Variants in KHDRBS2 observed in about 807,000 individuals in gnomAD.
KHDRBS2 encodes the protein KH RNA binding domain containing, signal transduction associated 2, also known as KH domain-containing, RNA-binding, signal transduction-associated protein 2.
KHDRBS2 carries 26 observed loss-of-function variants against 44.3 expected under a neutral mutation model. That is an observed-to-expected ratio of 0.59 (90% CI 0.43 to 0.81). KHDRBS2 has a LOEUF of 0.81. Among genes scored for constraint, KHDRBS2 ranks in the 40% least tolerant of loss-of-function variants. KHDRBS2 has a pLI of 0.00. For missense variants in KHDRBS2, 476 were observed against 433.1 expected (o/e 1.10, Z -0.88); for synonymous variants, 194 against 151.1 (o/e 1.28, Z -2.08).
chr6:62,143,338 TA>T (rs1453145077), intron 2 of KHDRBS2, among the ~76,000 whole-genome samples: 1 of 152,034 alleles, frequency 6.6e-6, no homozygotes, highest in African/African-American at 2.4e-5. Flanking sequence ...CAGAAATGAA[TA>T]TAGGCTTTGC....
intron 1 of KHDRBS2, among the ~76,000 whole-genome samples, chr6:62,215,898 G>A (rs1585243600): frequency 6.6e-6 from 1 of 151,826 alleles, no homozygotes; most frequent in East Asian, 1.9e-4. Context: ...TATTAATACA[G>A]TACAGGAAAA....
chr6:61,989,530 C>T (rs193040383), intron 3 of KHDRBS2, among the ~76,000 whole-genome samples: 1 of 152,246 alleles, frequency 6.6e-6, no homozygotes, highest in East Asian at 1.9e-4. Flanking sequence ...CTTGAAAACA[C>T]ATATGTAATG....
the KHDRBS2 span, among the ~76,000 whole-genome samples, chr6:61,563,440 T>A: frequency 1.3e-5 from 2 of 152,136 alleles, no homozygotes; most frequent in African/African-American, 4.8e-5. Flanking sequence ...GTTCTCTAAT[T>A]ATTGCCTTAC....
chr6:62,124,941 TGTAAG>T (rs1186516919), intron 2 of KHDRBS2, among the ~76,000 whole-genome samples: 1 of 152,200 alleles, frequency 6.6e-6, no homozygotes, highest in Non-Finnish European at 1.5e-5. Context: ...TTCTGACTGG[TGTAAG>T]GTTATATCAT....
At chr6:61,602,474 T>G in the KHDRBS2 span, among the ~76,000 whole-genome samples, 459 of 152,280 alleles carry the variant, frequency 3.0e-3, 4 homozygotes, top group African/African-American at 0.011. Flanking sequence ...AAAATTGGAC[T>G]GTTCAACTCA....
intron 6 of KHDRBS2, among the ~76,000 whole-genome samples, chr6:61,893,853 C>A (rs1404023941): frequency 6.6e-6 from 1 of 151,734 alleles, no homozygotes; most frequent in Non-Finnish European, 1.5e-5. Flanking sequence ...ACATATGTAA[C>A]AAACCTGCAC....
At chr6:62,048,658 T>G (rs1584357402) in intron 2 of KHDRBS2, among the ~76,000 whole-genome samples, 1 of 151,862 alleles carries the variant, frequency 6.6e-6, no homozygotes, top group South Asian at 2.1e-4. Context: ...ACAAAACACT[T>G]TGTCGAAATA....
intron 8 of KHDRBS2, among the ~76,000 whole-genome samples, chr6:61,682,231 C>G (rs901403302): frequency 2.0e-5 from 3 of 151,738 alleles, no homozygotes; most frequent in African/African-American, 4.8e-5. Context: ...AAACAATCTA[C>G]TATGTAGAAA....
chr6:62,081,684 A>C (rs1390997940), intron 2 of KHDRBS2, among the ~76,000 whole-genome samples: 1 of 152,150 alleles, frequency 6.6e-6, no homozygotes. Flanking sequence ...ACATATCTTT[A>C]TGTAAATATA....
intron 7 of KHDRBS2, among the ~76,000 whole-genome samples, chr6:61,718,128 C>T (rs1270143808): frequency 3.9e-5 from 6 of 152,004 alleles, no homozygotes; most frequent in Non-Finnish European, 8.8e-5. Context: ...CAACACTTAG[C>T]GTAGCAGCTA....
chr6:61,681,928 G>A (rs569005775), intron 8 of KHDRBS2, among the ~76,000 whole-genome samples: 78 of 151,966 alleles, frequency 5.1e-4, no homozygotes, highest in African/African-American at 1.8e-3. Context: ...CAGCAACTAG[G>A]TTATTTTGGT....
intron 7 of KHDRBS2, among the ~76,000 whole-genome samples, chr6:61,708,472 T>C (rs1308779581): frequency 6.6e-6 from 1 of 151,490 alleles, no homozygotes; most frequent in African/African-American, 2.4e-5. Context: ...GCAAAGATCA[T>C]GGGTTTTATT....
intron 1 of KHDRBS2, among the ~76,000 whole-genome samples, chr6:62,245,197 C>T (rs1470350203): frequency 6.6e-6 from 1 of 152,092 alleles, no homozygotes; most frequent in East Asian, 1.9e-4. Flanking sequence ...TTGCTGCATT[C>T]TCTTTGTTTC....
intron 6 of KHDRBS2, among the ~76,000 whole-genome samples, chr6:61,771,521 G>A (rs1442168556): frequency 1.3e-5 from 2 of 152,054 alleles, no homozygotes; most frequent in African/African-American, 2.4e-5. Context: ...GACAAAAAAA[G>A]GCAGGAGTTG....
At chr6:62,138,273 GTTTTTCAACA>G in intron 2 of KHDRBS2, among the ~76,000 whole-genome samples, 1 of 152,150 alleles carries the variant, frequency 6.6e-6, no homozygotes, top group East Asian at 1.9e-4. Context: ...AATTGCCACT[GTTTTTCAACA>G]GCTGTGCCCT....
intron 6 of KHDRBS2, among the ~76,000 whole-genome samples, chr6:61,739,031 G>A (rs777308925): frequency 3.3e-5 from 5 of 151,828 alleles, no homozygotes; most frequent in Non-Finnish European, 5.9e-5. Flanking sequence ...ATGCACGTGT[G>A]TCTATGCACA....
At chr6:61,566,125 A>G in the KHDRBS2 span, among the ~76,000 whole-genome samples, 1 of 152,116 alleles carries the variant, frequency 6.6e-6, no homozygotes, top group Non-Finnish European at 1.5e-5. Context: ...TCATTGTAAA[A>G]TAAGCCAGAC....
chr6:62,202,962 G>A (rs969958194), intron 1 of KHDRBS2, among the ~76,000 whole-genome samples: 1 of 152,114 alleles, frequency 6.6e-6, no homozygotes, highest in Non-Finnish European at 1.5e-5. Flanking sequence ...ATTATTTCCT[G>A]TCTGTCTTTC....
At chr6:61,762,676 C>G (rs1938389) in intron 6 of KHDRBS2, among the ~76,000 whole-genome samples, 12 of 152,114 alleles carry the variant, frequency 7.9e-5, no homozygotes, top group Admixed American at 7.2e-4. Flanking sequence ...GAATTGTCAA[C>G]CAAATAACTT....
Sources: gnomAD v4.1 joint callset for allele counts (sites outside exome capture counted in the v4.1 genomes callset) on GRCh38, gnomAD v4.1.1 for gene constraint, MANE v1.5 for transcripts, NCBI Gene and HGNC (gene_info 2026-07-23, HGNC 2026-07-21) for gene names.